The following KIAA1217 variants were observed in gnomAD, a reference collection of about 807,000 sequenced individuals.
The protein encoded by KIAA1217 is KIAA1217, also known as sickle tail protein homolog.
Under a neutral mutation model 163.9 loss-of-function variants are expected in KIAA1217, and 88 were observed. The ratio of observed to expected loss-of-function variants is 0.54; its 90% CI spans 0.45 to 0.64. The LOEUF is 0.64. Ranked by LOEUF, KIAA1217 falls within the 30% of genes least tolerant of loss-of-function variation. KIAA1217 has a pLI of 0.00. For synonymous variants in KIAA1217, 903 were observed against 923.1 expected (o/e 0.98, Z 0.39); for missense variants, 2,372 against 2,475.0 (o/e 0.96, Z 0.88).
intron 1 of KIAA1217, among the ~76,000 whole-genome samples, chr10:23,730,780 C>T (rs1838430026): frequency 7.0e-6 from 1 of 143,158 alleles, no homozygotes; most frequent in Admixed American, 7.0e-5. Flanking sequence ...GTTTTAATCT[C>T]AAATTCTTTC....
chr10:24,077,211 T>C (rs2061396938), intron 2 of KIAA1217, among the ~76,000 whole-genome samples: 2 of 152,110 alleles, frequency 1.3e-5, no homozygotes, highest in African/African-American at 2.4e-5. Flanking sequence ...CAGGGTTACA[T>C]GTGCAGGATG....
intron 2 of KIAA1217, among the ~76,000 whole-genome samples, chr10:24,121,072 C>G (rs1009612840): frequency 6.6e-6 from 1 of 152,212 alleles, no homozygotes; most frequent in African/African-American, 2.4e-5. Flanking sequence ...ATCCTGTCCA[C>G]TGGCATCCTG....
chr10:24,131,644 G>T (rs1483081212), intron 2 of KIAA1217, among the ~76,000 whole-genome samples: 1 of 152,012 alleles, frequency 6.6e-6, no homozygotes, highest in East Asian at 1.9e-4. Flanking sequence ...TTTGCCTACA[G>T]GCCCGAGAAA....
intron 1 of KIAA1217, among the ~76,000 whole-genome samples, chr10:23,907,841 T>C (rs1234451086): frequency 3.9e-5 from 6 of 152,116 alleles, no homozygotes; most frequent in Non-Finnish European, 8.8e-5. Flanking sequence ...ACTATGTGCC[T>C]GCTCCTCTTC....
chr10:23,930,122 A>T (rs1156627594), intron 1 of KIAA1217, among the ~76,000 whole-genome samples: 1 of 151,268 alleles, frequency 6.6e-6, no homozygotes, highest in Non-Finnish European at 1.5e-5. Context: ...TTTAATTTGC[A>T]TTGTTCTGAT....
chr10:24,269,681 ATGT>A (rs1458655850), intron 2 of KIAA1217, among the ~76,000 whole-genome samples: 3 of 152,234 alleles, frequency 2.0e-5, no homozygotes, highest in African/African-American at 7.2e-5. Context: ...TCCTCAAGAA[ATGT>A]TGTTCTGGGA....
At chr10:24,129,412 G>C (rs1411921220) in intron 2 of KIAA1217, among the ~76,000 whole-genome samples, 1 of 152,146 alleles carries the variant, frequency 6.6e-6, no homozygotes, top group Non-Finnish European at 1.5e-5. Context: ...AAGGACACTT[G>C]TAGGTCTCAT....
intron 5 of KIAA1217, 32 bp downstream of exon 5, chr10:24,438,511 T>A: frequency 7.0e-7 from 1 of 1,432,526 alleles, no homozygotes; most frequent in Non-Finnish European, 9.9e-7. Context: ...TTACTTATCT[T>A]CAGTGGGTCA....
chr10:23,876,467 C>T (rs1423284411), intron 1 of KIAA1217, among the ~76,000 whole-genome samples: 4 of 151,404 alleles, frequency 2.6e-5, no homozygotes, highest in Admixed American at 6.6e-5. Context: ...GGCACATGTA[C>T]CCACTGAATT....
chr10:24,113,973 T>C (rs1010410124), intron 2 of KIAA1217, among the ~76,000 whole-genome samples: 2 of 152,218 alleles, frequency 1.3e-5, no homozygotes, highest in African/African-American at 4.8e-5. Context: ...ATGGGAGTCC[T>C]GTGTGACTGC....
intron 3 of KIAA1217, among the ~76,000 whole-genome samples, chr10:24,387,654 C>T (rs1034883720): frequency 1.3e-5 from 2 of 152,176 alleles, no homozygotes; most frequent in African/African-American, 4.8e-5. Flanking sequence ...TTTAAAAACC[C>T]CCGTTGTCTC....
chr10:24,420,379 T>C (rs1390385960), intron 3 of KIAA1217, among the ~76,000 whole-genome samples: 1 of 152,234 alleles, frequency 6.6e-6, no homozygotes, highest in Non-Finnish European at 1.5e-5. Flanking sequence ...TATTTTCTTA[T>C]TGCTTTATAA....
At chr10:24,453,333 T>C (rs1043775025) in intron 5 of KIAA1217, among the ~76,000 whole-genome samples, 2 of 152,208 alleles carry the variant, frequency 1.3e-5, no homozygotes, top group Non-Finnish European at 2.9e-5. Flanking sequence ...GCTAATCCTC[T>C]AGAAAGCAGG....
At chr10:23,877,381 C>T (rs915442343) in intron 1 of KIAA1217, 1 of 151,900 alleles carries the variant, frequency 6.6e-6, no homozygotes, top group African/African-American at 2.4e-5. Context: ...ATGTTAAAGT[C>T]CATTTTTATT....
chr10:24,103,361 T>C (rs2062493563), intron 2 of KIAA1217, among the ~76,000 whole-genome samples: 1 of 151,982 alleles, frequency 6.6e-6, no homozygotes, highest in African/African-American at 2.4e-5. Context: ...ACTTATTAGA[T>C]ACAAGAAAAA....
chr10:24,022,934 A>G (rs1039635678), intron 2 of KIAA1217, among the ~76,000 whole-genome samples: 1 of 151,624 alleles, frequency 6.6e-6, no homozygotes, highest in Non-Finnish European at 1.5e-5. Flanking sequence ...CTGAAAAAAA[A>G]AAAAGGATAT....
At chr10:24,132,082 G>A (rs996463306) in intron 2 of KIAA1217, among the ~76,000 whole-genome samples, 3 of 152,090 alleles carry the variant, frequency 2.0e-5, no homozygotes, top group Admixed American at 1.3e-4. Context: ...TATTTTGAGG[G>A]CCCCCACCTT....
Position 24,504,948 on chromosome 10 carries a change from A to G in KIAA1217, c.2001+3403A>G, listed in dbSNP as rs74345787. 1.2e-3 allele frequency among the ~76,000 whole-genome samples: 188 copies of G among 152,308 alleles called. 3 individuals carry two copies. In the East Asian group the frequency reaches 0.034, roughly 27 times the overall value. ...TCTGCTCTCCAATTTCACAGGAGTT[A>G]TCGGTCTAAGAGTGGTTCTCAATCC... On this transcript the variant is annotated intron_variant, in intron 9 of 20. Transcript: ENST00000376454.
At position 24,328,163 on chromosome 10, in the gene KIAA1217, C is replaced by T. The variant is rs527959952; in HGVS notation, c.355-52706C>T. 3.3e-5 allele frequency among the ~76,000 whole-genome samples: 5 copies of T among 152,280 alleles called. No homozygotes were observed. The South Asian group carries it at 1.0e-3, about 32-fold the overall frequency. ...TATTGCCGGGGAAGAAAGCTTTATT[C>T]AGGTGCTGCAGCCAAGGAGATGGGA... On this transcript the variant is annotated intron_variant, in intron 2 of 20. Coordinates refer to ENST00000376454, the MANE Select transcript of KIAA1217 (RefSeq NM_019590.5).
Sources: gnomAD v4.1 joint callset for allele counts (sites outside exome capture counted in the v4.1 genomes callset) on GRCh38, gnomAD v4.1.1 for gene constraint, MANE v1.5 for transcripts, NCBI Gene and HGNC (gene_info 2026-07-23, HGNC 2026-07-21) for gene names.